KLF7: variants seen among roughly 807,000 people sequenced by gnomAD.
KLF7 encodes Krueppel-like factor 7.
In KLF7, 2 loss-of-function variants were observed where a neutral mutation model predicts 27.3. The ratio of observed to expected loss-of-function variants is 0.07; its 90% CI spans 0.03 to 0.23. The LOEUF is 0.23. Ranked by LOEUF, KLF7 falls within the 10% of genes least tolerant of loss-of-function variation. The pLI, the probability that KLF7 is intolerant of heterozygous loss-of-function variation, is 1.00. For synonymous variants in KLF7, 165 were observed against 162.4 expected (o/e 1.02, Z -0.12); for missense variants, 221 against 394.1 (o/e 0.56, Z 3.72).
chr2:207,135,505 A>G (rs1156351425), intron 1 of KLF7, among the ~76,000 whole-genome samples: 3 of 152,204 alleles, frequency 2.0e-5, no homozygotes, highest in Non-Finnish European at 4.4e-5. Flanking sequence ...AAACTTCACA[A>G]GAATGTGACT....
chr2:207,165,625 T>C lies in KLF7; in HGVS notation c.-57A>G. 2 of 1,608,222 alleles carry C rather than the reference T, an allele frequency of 1.2e-6. No individual in the cohort carries two copies. The highest frequency in any genetic ancestry group is 1.7e-6 in the Non-Finnish European group (2 of 1,177,306). On this transcript the variant is annotated 5_prime_UTR_variant, in exon 1 of 4. Transcript: ENST00000309446. The stretch of plus-strand genomic sequence containing the variant: ...ACCCTCCCCCGAACACAGTTGGGGC[T>C]GTTTGTTTGTCAGTCTGTCTGGCTC...
intron 2 of KLF7, among the ~76,000 whole-genome samples, chr2:207,094,570 G>A (rs1038514333): frequency 3.9e-5 from 6 of 152,262 alleles, no homozygotes; most frequent in South Asian, 2.1e-4. Context: ...ACACTCAGTC[G>A]CACTAGAGAA....
At chr2:207,143,129 G>A (rs1246347417) in intron 1 of KLF7, among the ~76,000 whole-genome samples, 3 of 151,728 alleles carry the variant, frequency 2.0e-5, no homozygotes, top group Non-Finnish European at 2.9e-5. Flanking sequence ...ATCAAAATGA[G>A]GACAAAACCC....
At chr2:207,088,269 C>A (rs1017342363) in intron 3 of KLF7, among the ~76,000 whole-genome samples, 189 bp downstream of exon 3, 2 of 152,162 alleles carry the variant, frequency 1.3e-5, no homozygotes, top group Non-Finnish European at 2.9e-5. Context: ...AGAATTCACA[C>A]CACCTCTTGA....
intron 2 of KLF7, among the ~76,000 whole-genome samples, chr2:207,093,275 A>G (rs1215075512): frequency 2.0e-5 from 3 of 152,208 alleles, no homozygotes; most frequent in Admixed American, 6.5e-5. Flanking sequence ...ATGGTTTTCT[A>G]TCGTTCTCAG....
chr2:207,089,118 C>T (rs527370245), intron 2 of KLF7, among the ~76,000 whole-genome samples: 3 of 152,304 alleles, frequency 2.0e-5, no homozygotes, highest in Non-Finnish European at 4.4e-5. Flanking sequence ...GCCACCGTTC[C>T]TTCCAGTAAA....
chr2:207,113,609 G>A (rs1198870367), intron 2 of KLF7, among the ~76,000 whole-genome samples: 2 of 55,880 alleles, frequency 3.6e-5, no homozygotes, highest in African/African-American at 1.7e-4. Context: ...ATGGGGGGTG[G>A]GGGGGGGGGG....
At chr2:207,116,536 T>G (rs1217571195) in intron 2 of KLF7, among the ~76,000 whole-genome samples, 1 of 152,228 alleles carries the variant, frequency 6.6e-6, no homozygotes, top group African/African-American at 2.4e-5. Context: ...CATCTTAGCC[T>G]TCACTCTTTA....
At chr2:207,111,114 C>G (rs895215332) in intron 2 of KLF7, among the ~76,000 whole-genome samples, 1 of 152,160 alleles carries the variant, frequency 6.6e-6, no homozygotes, top group Non-Finnish European at 1.5e-5. Flanking sequence ...AAAAATCTCC[C>G]CTGGTTGAGA....
chr2:207,108,367 T>C (rs1262386478), intron 2 of KLF7, among the ~76,000 whole-genome samples: 1 of 152,170 alleles, frequency 6.6e-6, no homozygotes, highest in Non-Finnish European at 1.5e-5. Flanking sequence ...ATTAAGATTA[T>C]TTCCACGGCA....
chr2:207,107,626 G>A (rs1307846917), intron 2 of KLF7, among the ~76,000 whole-genome samples: 1 of 152,202 alleles, frequency 6.6e-6, no homozygotes, highest in Non-Finnish European at 1.5e-5. Context: ...AGGTTCCTAA[G>A]CACTCCCCAC....
chr2:207,081,820 T>C (rs1445325541), intron 3 of KLF7, among the ~76,000 whole-genome samples: 3 of 148,724 alleles, frequency 2.0e-5, no homozygotes, highest in Non-Finnish European at 3.0e-5. Context: ...GTGATACTAC[T>C]TACAGGCTTA....
At chr2:207,147,858 G>T (rs1028032810) in intron 1 of KLF7, among the ~76,000 whole-genome samples, 1 of 152,170 alleles carries the variant, frequency 6.6e-6, no homozygotes. Context: ...GGCCAAAGTT[G>T]TAACATCAGC....
At chr2:207,082,569 G>T (rs1263596) in intron 3 of KLF7, among the ~76,000 whole-genome samples, 1 of 151,946 alleles carries the variant, frequency 6.6e-6, no homozygotes, top group African/African-American at 2.4e-5. Flanking sequence ...ATCCCTGCAG[G>T]CTTCAATCTC....
chr2:207,162,693 T>C (rs1415115189), intron 1 of KLF7, among the ~76,000 whole-genome samples: 1 of 152,250 alleles, frequency 6.6e-6, no homozygotes, highest in Non-Finnish European at 1.5e-5. Context: ...AATTATCCCA[T>C]ATCCTAAGTT....
chr2:207,086,297 G>A (rs1193151122), intron 3 of KLF7, among the ~76,000 whole-genome samples: 1 of 152,096 alleles, frequency 6.6e-6, no homozygotes, highest in Non-Finnish European at 1.5e-5. Flanking sequence ...ATCTGCTTTG[G>A]GACCACTCCA....
intron 1 of KLF7, among the ~76,000 whole-genome samples, chr2:207,139,550 A>C (rs2077882429): frequency 6.6e-6 from 1 of 152,188 alleles, no homozygotes; most frequent in Non-Finnish European, 1.5e-5. Context: ...CATTCTAAAA[A>C]TCCAACAAAC....
At chr2:207,167,187 G>C (rs2078741042), upstream of KLF7, 17 of 1,401,500 alleles carry the variant, frequency 1.2e-5, no homozygotes, top group Non-Finnish European at 1.6e-5. Context: ...GGTGAGAGGA[G>C]GAACTCGATT....
At chr2:207,139,553 C>T (rs1309516001) in intron 1 of KLF7, among the ~76,000 whole-genome samples, 1 of 152,056 alleles carries the variant, frequency 6.6e-6, no homozygotes, top group Admixed American at 6.6e-5. Flanking sequence ...TCTAAAAATC[C>T]AACAAACCAT....
Sources: gnomAD v4.1 joint callset for allele counts (sites outside exome capture counted in the v4.1 genomes callset) on GRCh38, gnomAD v4.1.1 for gene constraint, MANE v1.5 for transcripts, NCBI Gene and HGNC (gene_info 2026-07-23, HGNC 2026-07-21) for gene names.